Variants in MGAM observed in about 807,000 individuals in gnomAD.
MGAM encodes the protein alpha-1,4-glucosidase.
In MGAM, 253 loss-of-function variants were observed where a neutral mutation model predicts 358.8. The ratio of observed to expected loss-of-function variants is 0.71; its 90% CI spans 0.64 to 0.78. MGAM has a LOEUF of 0.78. Among genes scored for constraint, MGAM ranks in the 30% least tolerant of loss-of-function variants. MGAM has a pLI of 0.00. For synonymous variants in MGAM, 1,105 were observed against 1,227.1 expected (o/e 0.90, Z 2.08); for missense variants, 3,080 against 3,432.6 (o/e 0.90, Z 2.57).
chr7:142,044,103 T>A (rs189842825), intron 21 of MGAM, among the ~76,000 whole-genome samples: 1 of 136,426 alleles, frequency 7.3e-6, no homozygotes, highest in Non-Finnish European at 1.5e-5. Flanking sequence ...ACGTATAATA[T>A]ATACATTATA....
chr7:142,076,800 A>G lies in MGAM; in HGVS notation c.5467A>G (p.Thr1823Ala), dbSNP rs1465593041. The G allele has an allele frequency of 6.4e-6, 10 of 1,555,026 alleles. 2 individuals carry two copies. The East Asian group carries it at 1.6e-4, about 25-fold the overall frequency. Residue 1823 changes from threonine (T) to alanine (A), a missense_variant, in exon 47 of 71, where the codon ACA becomes GCA. By Grantham distance (58) the Thr-to-Ala change is moderately conservative. This residue lies in a region of MGAM where 932 missense variants were observed against 1,198.2 expected (regional missense o/e 0.78). Coordinates refer to ENST00000475668, the MANE Select transcript of MGAM (RefSeq NM_001365693.1). Reference protein sequence around the residue: ...HNGVPSQTSPTVTYDSNLKVA... With the variant: ...HNGVPSQTSPAVTYDSNLKVA... The stretch of plus-strand genomic sequence containing the variant: ...TGGTGTCCCAAGTCAGACTTCTCCT[A>G]CAGTCACTTATGATTCTAACCTGAA...
Position 142,025,135 on chromosome 7 carries a change from A to G in MGAM, c.968A>G (p.Asn323Ser), listed in dbSNP as rs527339185. 1.9e-6 allele frequency: 3 copies of G among 1,608,220 alleles called. No homozygotes were observed. The highest frequency in any genetic ancestry group is 2.6e-6 in the Non-Finnish European group (3 of 1,174,698). The change falls in exon 8 of 71, where the codon AAC (asparagine) becomes AGC (serine). Residue 323 changes from asparagine to serine, a missense_variant. By Grantham distance (46) the Asn-to-Ser change is conservative. Transcript: ENST00000475668. Reference sequence around the variant, plus strand: ...TTGTCCTTTGGGGTGTTTCTGATGAACAGCAATGCCATGGGTAAAGGAATA... The same window carrying G: ...TTGTCCTTTGGGGTGTTTCTGATGAGCAGCAATGCCATGGGTAAAGGAATA... ...SGLSFGVFLM[N>S]SNAMEVVLQP...
chr7:142,052,513 A>G lies in MGAM; in HGVS notation c.2958+67A>G, dbSNP rs1325333588. Reference sequence around the variant, plus strand: ...ACCTAATCTGTAGTTTCTTAAGCATAGCAGTGGTACTTACATAACTACTTA... The same window carrying G: ...ACCTAATCTGTAGTTTCTTAAGCATGGCAGTGGTACTTACATAACTACTTA... On this transcript the variant is annotated intron_variant, in intron 25 of 70. Coordinates refer to ENST00000475668, the MANE Select transcript of MGAM (RefSeq NM_001365693.1). The G allele has an allele frequency of 3.8e-6, 6 of 1,580,374 alleles. No individual in the cohort carries two copies. The African/African-American group carries it at 6.7e-5, about 18-fold the overall frequency.
Position 142,040,737 on chromosome 7 carries a change from T to C in MGAM, c.2389T>C (p.Trp797Arg), listed in dbSNP as rs756252544. ...CATGCATCAGGGGAGCCAAGTGAGA[T>C]GGAGGAAGCAAAAAGTCGAGATGGA... ...YDYETGSQVR[W>R]RKQKVEMELP... The change falls in exon 21 of 71, where the codon TGG (tryptophan) becomes CGG (arginine). Residue 797 changes from tryptophan (W) to arginine (R), a missense_variant. By Grantham distance (101) the Trp-to-Arg change is moderately radical. Transcript: ENST00000475668. 5 of 1,613,136 alleles carry C rather than the reference T, an allele frequency of 3.1e-6. No individual in the cohort carries two copies. The highest frequency in any genetic ancestry group is 2.2e-5 in the East Asian group (1 of 44,786).
intron 2 of MGAM, 128 bp from the exon 3 acceptor site, chr7:142,008,378 G>C: frequency 2.2e-6 from 2 of 922,990 alleles, no homozygotes; most frequent in South Asian, 1.8e-5. Flanking sequence ...TAAAGTGAAT[G>C]CATAAATTTT....
intron 40 of MGAM, among the ~76,000 whole-genome samples, chr7:142,066,097 G>A (rs1016554323): frequency 2.1e-5 from 3 of 144,490 alleles, no homozygotes; most frequent in African/African-American, 7.4e-5. Context: ...CTGAATAGCT[G>A]GGATAAAGGC....
At chr7:142,017,710 A>C (rs1306531842) in intron 3 of MGAM, among the ~76,000 whole-genome samples, 7 of 152,208 alleles carry the variant, frequency 4.6e-5, no homozygotes, top group Non-Finnish European at 1.0e-4. Flanking sequence ...ACCTGATCTT[A>C]CGGCAGTATA....
Position 142,086,626 on chromosome 7 carries a change from A to T in MGAM, c.6748-29A>T, listed in dbSNP as rs1343498173. 5 of 1,047,602 alleles carry T rather than the reference A, an allele frequency of 4.8e-6. 2 individuals carry two copies. Among genetic ancestry groups the T allele is most frequent in the Non-Finnish European group, 6.7e-6 (5 of 747,716 alleles). The allele number at this position is 1,047,602 out of a possible 1,614,324, so 64.9% of individuals were successfully genotyped here. On this transcript the variant is annotated intron_variant, in intron 56 of 70. Transcript: ENST00000475668. The stretch of plus-strand genomic sequence containing the variant: ...CTATGTAAGGGAAATTGTCTAGTGC[A>T]TCGCTACTGAACATGTTTCTCTCCA...
intron 15 of MGAM, 45 bp from the exon 16 acceptor site, chr7:142,034,625 A>G (rs947643181): frequency 6.4e-7 from 1 of 1,564,730 alleles, no homozygotes; most frequent in Non-Finnish European, 8.7e-7. Flanking sequence ...TGGCTGAGAC[A>G]AGCTAAGATC....
At chr7:142,022,747 T>G (rs1554459439) in intron 7 of MGAM, among the ~76,000 whole-genome samples, 1 of 152,028 alleles carries the variant, frequency 6.6e-6, no homozygotes, top group Non-Finnish European at 1.5e-5. Context: ...TGCCAACTCC[T>G]TCATATTTTC....
intron 54 of MGAM, among the ~76,000 whole-genome samples, chr7:142,085,540 G>A (rs76996665): frequency 0.014 from 2,084 of 146,266 alleles, 174 homozygotes; most frequent in South Asian, 0.083. Flanking sequence ...GATAGTGGCA[G>A]TTTACAAAGC....
rs781871294 is a variant in MGAM at position 142,022,227 on chromosome 7, C to A, written c.711-41C>A. On this transcript the variant is annotated intron_variant, in intron 6 of 70. Coordinates refer to ENST00000475668, the MANE Select transcript of MGAM (RefSeq NM_001365693.1). ...TCTAAGCACTTACGTTCTCTCCACC[C>A]TGCTTGCTCACCCATCCTTGTGTTC... 2.6e-6 allele frequency: 4 copies of A among 1,556,804 alleles called. No homozygotes were observed. In the South Asian group the frequency reaches 4.8e-5, roughly 19 times the overall value.
chr7:142,008,432 A>T (rs1288459936), intron 2 of MGAM, 74 bp from the exon 3 acceptor site: 1 of 1,441,990 alleles, frequency 6.9e-7, no homozygotes, highest in East Asian at 2.5e-5. Context: ...AGTTAATTGG[A>T]GGTGTTGAGA....
At chr7:141,993,059 T>C (rs1290531141), upstream of MGAM, among the ~76,000 whole-genome samples, 1 of 152,254 alleles carries the variant, frequency 6.6e-6, no homozygotes, top group Non-Finnish European at 1.5e-5. Flanking sequence ...GGAAGTAAAC[T>C]TTCAAAGAGA....
rs756672690 is a variant in MGAM at position 142,063,555 on chromosome 7, C to G, written c.4314C>G (p.Asp1438Glu). ...GGGCAGTTTCTCCAGGCTGCAGGGACGCCTCTCTGAACCACCCTCCCTACA... is the reference window on the plus strand; with the variant it reads ...GGGCAGTTTCTCCAGGCTGCAGGGAGGCCTCTCTGAACCACCCTCCCTACA... The part of the protein sequence containing the change: ...VNGAVSPGCR[D>E]ASLNHPPYMP... The change falls in exon 36 of 71, where the codon GAC becomes GAG. Residue 1438 changes from aspartate to glutamate, a missense_variant. Transcript: ENST00000475668. The G allele has an allele frequency of 6.8e-6, 11 of 1,613,626 alleles. No individual in the cohort carries two copies. The highest frequency in any genetic ancestry group is 9.3e-6 in the Non-Finnish European group (11 of 1,179,810).
chr7:141,999,106 T>G (rs1216953783), intron 1 of MGAM, among the ~76,000 whole-genome samples: 1 of 152,214 alleles, frequency 6.6e-6, no homozygotes, highest in African/African-American at 2.4e-5. Flanking sequence ...TTTATCTGTT[T>G]TGTTCATTGT....
chr7:142,004,016 G>T (rs146734946), intron 1 of MGAM, among the ~76,000 whole-genome samples: 3 of 151,946 alleles, frequency 2.0e-5, no homozygotes, highest in African/African-American at 4.8e-5. Context: ...GGTCAGAATG[G>T]CTATTATTGA....
intron 12 of MGAM, 111 bp downstream of exon 12, chr7:142,030,868 A>G (rs1214654230): frequency 4.2e-6 from 3 of 714,000 alleles, no homozygotes; most frequent in Non-Finnish European, 7.2e-6. Flanking sequence ...GTACATTTTC[A>G]GTATATTTAT....
rs1338467683 is a variant in MGAM, at chr7:142,005,516, T to G, written c.-2-13T>G. On this transcript the variant is annotated splice_polypyrimidine_tract_variant and intron_variant, in intron 1 of 70. Coordinates refer to ENST00000475668, the MANE Select transcript of MGAM (RefSeq NM_001365693.1). Reference sequence around the variant, plus strand: ...CAAATTCAAATCTAAAATTGTTTTCTCTTACATTTTAGAGATGGCAAGAAA... The same window carrying G: ...CAAATTCAAATCTAAAATTGTTTTCGCTTACATTTTAGAGATGGCAAGAAA... 6.7e-7 allele frequency: 1 copy of G among 1,500,932 alleles called. No homozygotes were observed. Among genetic ancestry groups the G allele is most frequent in the African/African-American group, 1.4e-5 (1 of 70,270 alleles). 93.0% of individuals were successfully genotyped at this position (1,500,932 alleles called of 1,614,324 possible).
Sources: allele counts gnomAD v4.1 joint callset (sites outside exome capture counted in the v4.1 genomes callset), GRCh38; gene constraint gnomAD v4.1.1; regional missense constraint gnomAD v4.1.1; transcripts MANE v1.5; gene names NCBI Gene and HGNC (gene_info 2026-07-23, HGNC 2026-07-21).